CPSF2: variants seen among roughly 807,000 people sequenced by gnomAD.
The protein encoded by CPSF2 is cleavage and polyadenylation specific factor 2.
Under a neutral mutation model 84.2 loss-of-function variants are expected in CPSF2, and 51 were observed. That is an observed-to-expected ratio of 0.61 (90% CI 0.48 to 0.77). The LOEUF (loss-of-function observed/expected upper bound fraction) is 0.77, where lower values mean the gene tolerates loss of function less well. Ranked by LOEUF, CPSF2 falls within the 30% of genes least tolerant of loss-of-function variation. CPSF2 has a pLI of 0.00. For missense variants in CPSF2, 641 were observed against 929.4 expected (o/e 0.69, Z 4.03); for synonymous variants, 286 against 311.9 (o/e 0.92, Z 0.87).
chr14:92,136,544 G>A (rs1232046989), intron 6 of CPSF2, among the ~76,000 whole-genome samples: 1 of 152,148 alleles, frequency 6.6e-6, no homozygotes, highest in East Asian at 1.9e-4. Context: ...GTGAACCTGT[G>A]ATCAATTAAG....
intron 5 of CPSF2, 122 bp from the exon 6 acceptor site, chr14:92,135,245 A>T: frequency 1.2e-6 from 1 of 852,660 alleles, no homozygotes; most frequent in Non-Finnish European, 1.7e-6. Flanking sequence ...ATGCATTTTT[A>T]CTTTTGAAAT....
intron 9 of CPSF2, among the ~76,000 whole-genome samples, chr14:92,149,738 C>T (rs568161215): frequency 2.0e-5 from 3 of 152,174 alleles, no homozygotes; most frequent in Middle Eastern, 6.8e-3. Context: ...TCACTGCAAC[C>T]TCCGCCTCCC....
rs79926657 is a variant in CPSF2, at chr14:92,129,567, T to C, written c.-34-1384T>C. The stretch of plus-strand genomic sequence containing the variant: ...TCGGTGGCCTTCTCTCCTACTTGCA[T>C]AGTTAGCCAGGAAAAGCTCATTTAT... On this transcript the variant is annotated intron_variant, in intron 2 of 15. Coordinates refer to ENST00000298875, the MANE Select transcript of CPSF2 (RefSeq NM_017437.3). Among the ~76,000 whole-genome samples the C allele has an allele frequency of 2.0e-3, 308 of 152,244 alleles. 6 individuals are homozygous for C. The East Asian group carries it at 0.048, about 24-fold the overall frequency.
intron 6 of CPSF2, among the ~76,000 whole-genome samples, chr14:92,135,729 G>T (rs1417355374): frequency 6.6e-6 from 1 of 152,116 alleles, no homozygotes; most frequent in Non-Finnish European, 1.5e-5. Context: ...CTACAAAACG[G>T]GTATCTCCCT....
At chr14:92,159,994 G>A (rs12881332) in intron 14 of CPSF2, among the ~76,000 whole-genome samples, 24,688 of 151,412 alleles carry the variant, frequency 0.16, 2,252 homozygotes, top group East Asian at 0.4. Flanking sequence ...ATGGAGTCTC[G>A]CTCTGTTGCC....
At chr14:92,122,275 C>G (rs997231571) in intron 1 of CPSF2, 147 bp downstream of exon 1, 2 of 241,896 alleles carry the variant, frequency 8.3e-6, no homozygotes, top group Non-Finnish European at 8.3e-6. Context: ...CGGTCGTTCC[C>G]GGCAGAAGTG....
At chr14:92,135,628 G>C in intron 6 of CPSF2, 132 bp downstream of exon 6, 1 of 809,564 alleles carries the variant, frequency 1.2e-6, no homozygotes, top group Admixed American at 2.9e-5. Context: ...CAAATAGGGA[G>C]TGTTTTCAAA....
At chr14:92,156,409 C>T in intron 11 of CPSF2, 70 bp from the exon 12 acceptor site, 1 of 1,274,634 alleles carries the variant, frequency 7.8e-7, no homozygotes, top group Non-Finnish European at 1.1e-6. Flanking sequence ...ATTATGCCAC[C>T]TACTAGTCAT....
rs1352189640 is a variant in CPSF2, at chr14:92,159,091, A to G, written c.1930A>G (p.Thr644Ala). ...AGATATGAGAGTTTCCAAAGTGGAC[A>G]CAGGGGTTATTTTAGAAGAAGGAGA... ...VLDMRVSKVD[T>A]GVILEEGELK... Residue 644 changes from threonine (T) to alanine (A), a missense_variant, in exon 14 of 16, where the codon ACA (threonine) becomes GCA (alanine). Physicochemically the swap from Thr to Ala is moderately conservative, Grantham distance 58. Around this residue, in one of 2 missense-constraint regions of CPSF2, gnomAD observed 430 missense variants for 553.6 expected, o/e 0.78. Coordinates refer to ENST00000298875, the MANE Select transcript of CPSF2 (RefSeq NM_017437.3). 8 of 1,614,004 alleles carry G rather than the reference A, an allele frequency of 5.0e-6. No individual in the cohort carries two copies. Among genetic ancestry groups the G allele is most frequent in the Non-Finnish European group, 6.8e-6 (8 of 1,180,010 alleles).
chr14:92,161,340 A>G, intron 15 of CPSF2, 94 bp downstream of exon 15: 2 of 1,395,562 alleles, frequency 1.4e-6, no homozygotes, highest in Non-Finnish European at 1.9e-6. Flanking sequence ...ATTTTCACAA[A>G]ACTGAAGATC....
At chr14:92,137,304 G>C (rs1300963315) in intron 6 of CPSF2, among the ~76,000 whole-genome samples, 2 of 152,096 alleles carry the variant, frequency 1.3e-5, no homozygotes, top group African/African-American at 4.8e-5. Flanking sequence ...CGACCTCCCA[G>C]CTTCAAGCAA....
rs963828879 is a variant in CPSF2, at chr14:92,164,553, G to C, written c.*2809G>C. On this transcript the variant is annotated 3_prime_UTR_variant, in exon 16 of 16. Transcript: ENST00000298875. ...CTGTAGACGGAATTTTCAGATCTTT[G>C]TTATTTAGAAGCAAGTATAGGTATA... 2.6e-5 allele frequency: 4 copies of C among 152,198 alleles called. No homozygotes were observed. The highest frequency in any genetic ancestry group is 5.9e-5 in the Non-Finnish European group (4 of 68,050). The allele number at this position is 152,198 out of a possible 1,614,324, so 9.4% of individuals were successfully genotyped here.
At position 92,131,057 on chromosome 14, in the gene CPSF2, G is replaced by A. The variant is rs1487081997; in HGVS notation, c.73G>A (p.Val25Ile). ...EESALCYLLQ[V>I]DEFRFLLDCG... is the part of the protein sequence containing the mutation. The stretch of plus-strand genomic sequence containing the variant: ...ATCTGCCCTTTGCTATCTTCTCCAA[G>A]TTGATGAGTTTAGATTTTTATTGGA... Residue 25 changes from valine to isoleucine, a missense_variant, in exon 3 of 16, where the codon GTT becomes ATT. Coordinates refer to ENST00000298875, the MANE Select transcript of CPSF2 (RefSeq NM_017437.3). 2 of 1,612,794 alleles carry A rather than the reference G, an allele frequency of 1.2e-6. No homozygotes were observed. Among genetic ancestry groups the A allele is most frequent in the African/African-American group, 2.7e-5 (2 of 74,872 alleles).
chr14:92,135,380 CCTGT>C lies in CPSF2; in HGVS notation c.432_435del (p.Ile146HisfsTer8), dbSNP rs1273652082. On this transcript the variant is annotated frameshift_variant, in exon 6 of 16. Coordinates refer to ENST00000298875, the MANE Select transcript of CPSF2 (RefSeq NM_017437.3). LOFTEE classifies it high-confidence loss of function. ...TTGTTGACATAGGTAAAGGACATGG[CCTGT>C]CTATCACACCTCTGCCAGCTGGTCA... is the stretch of plus-strand genomic sequence containing the variant. The C allele has an allele frequency of 1.9e-6, 3 of 1,611,580 alleles. No individual in the cohort carries two copies. The highest frequency in any genetic ancestry group is 1.1e-5 in the South Asian group (1 of 90,548).
At chr14:92,138,436 C>CTTT in intron 7 of CPSF2, 89 bp downstream of exon 7, 5 of 511,234 alleles carry the variant, frequency 9.8e-6, no homozygotes, top group Non-Finnish European at 1.5e-5. Flanking sequence ...GTACAGGTTT[C>CTTT]TTTTTTTTTT....
intron 2 of CPSF2, 41 bp downstream of exon 2, chr14:92,126,221 A>C (rs911154492): frequency 1.3e-5 from 2 of 152,218 alleles, no homozygotes; most frequent in Non-Finnish European, 2.9e-5. Flanking sequence ...CTTTATTATG[A>C]ATAATTGTAG....
chr14:92,143,751 A>C (rs894176868), intron 9 of CPSF2, among the ~76,000 whole-genome samples: 1 of 151,558 alleles, frequency 6.6e-6, no homozygotes, highest in Admixed American at 6.6e-5. Context: ...AACCATAGAC[A>C]TGTGCCACCA....
chr14:92,128,388 C>T (rs985057590), intron 2 of CPSF2, among the ~76,000 whole-genome samples: 2 of 152,178 alleles, frequency 1.3e-5, no homozygotes, highest in African/African-American at 4.8e-5. Context: ...GTGGCTGAGG[C>T]AGGAGAATCA....
At chr14:92,136,182 G>A (rs28582534) in intron 6 of CPSF2, among the ~76,000 whole-genome samples, 15,043 of 152,100 alleles carry the variant, frequency 0.099, 825 homozygotes, top group East Asian at 0.15. Context: ...TTACAGGCTC[G>A]TTTTGTTTTA....
Sources: allele counts gnomAD v4.1 joint callset (sites outside exome capture counted in the v4.1 genomes callset), GRCh38; gene constraint gnomAD v4.1.1; regional missense constraint gnomAD v4.1.1; transcripts MANE v1.5; gene names NCBI Gene and HGNC (gene_info 2026-07-23, HGNC 2026-07-21).